ZNF600: variants seen among roughly 807,000 people sequenced by gnomAD.
ZNF600 encodes the protein zinc finger protein 600.
ZNF600 carries 4 observed loss-of-function variants against 7.3 expected under a neutral mutation model. That is an observed-to-expected ratio of 0.55 (90% CI 0.27 to 1.25). ZNF600 has a LOEUF of 1.25. ZNF600 is among the 50% of genes most tolerant of loss of function. ZNF600 has a pLI of 0.12. For synonymous variants in ZNF600, 290 were observed against 308.9 expected (o/e 0.94, Z 0.64); for missense variants, 911 against 922.1 (o/e 0.99, Z 0.16).
At chr19:52,766,738 T>A (rs542754910) in exon 4 of ZNF600, 1 of 1,613,814 alleles carries the variant, frequency 6.2e-7, no homozygotes. Context: ...GAATTCCATG[T>A]GAAAGCTGTG....
the ZNF600 span, chr19:52,800,961 G>C: frequency 1.2e-6 from 2 of 1,614,106 alleles, no homozygotes; most frequent in Non-Finnish European, 1.7e-6. Context: ...AGGTTTGTCT[G>C]CAGTATGAAG....
chr19:52,813,425 G>A, the ZNF600 span, among the ~76,000 whole-genome samples: 28 of 147,336 alleles, frequency 1.9e-4, 2 homozygotes, highest in African/African-American at 7.3e-4. Context: ...GCTGCTCCCC[G>A]TGTTTCCCTG....
upstream of ZNF600, among the ~76,000 whole-genome samples, chr19:52,789,045 G>A (rs1233271289): frequency 1.3e-5 from 2 of 152,164 alleles, no homozygotes; most frequent in African/African-American, 4.8e-5. Context: ...ACACAGAACA[G>A]GCAACATGGG....
At chr19:52,800,907 T>C in the ZNF600 span, 5 of 1,614,096 alleles carry the variant, frequency 3.1e-6, no homozygotes, top group Non-Finnish European at 4.2e-6. Context: ...TGTTTCAAGG[T>C]GTGATTTGCG....
the ZNF600 span, among the ~76,000 whole-genome samples, chr19:52,811,280 A>G: frequency 2.0e-5 from 3 of 151,502 alleles, no homozygotes; most frequent in Non-Finnish European, 4.4e-5. Context: ...GGCCTCCCAA[A>G]GAGCCGAGAT....
the ZNF600 span, among the ~76,000 whole-genome samples, chr19:52,796,537 G>A: frequency 1.3e-5 from 2 of 151,630 alleles, no homozygotes; most frequent in Non-Finnish European, 3.0e-5. Flanking sequence ...CATGATCACG[G>A]CTCCCTGCAG....
At chr19:52,801,457 G>T in the ZNF600 span, 1 of 1,614,158 alleles carries the variant, frequency 6.2e-7, no homozygotes, top group Non-Finnish European at 8.5e-7. Flanking sequence ...TTTCCAGCAT[G>T]CCTTTGATCA....
chr19:52,820,486 T>G, the ZNF600 span, among the ~76,000 whole-genome samples: 2 of 151,890 alleles, frequency 1.3e-5, no homozygotes, highest in African/African-American at 4.9e-5. Context: ...GATTTCCACC[T>G]CTTCTCCCCT....
At chr19:52,800,850 C>T in the ZNF600 span, 1 of 1,614,004 alleles carries the variant, frequency 6.2e-7, no homozygotes, top group Non-Finnish European at 8.5e-7. Context: ...AGCTTTGTCA[C>T]AAACCTTACA....
intron 1 of ZNF600, among the ~76,000 whole-genome samples, chr19:52,786,281 G>A (rs1444950591): frequency 6.6e-6 from 1 of 152,154 alleles, no homozygotes; most frequent in African/African-American, 2.4e-5. Flanking sequence ...CGTGGTGGGC[G>A]ACGGCACCCT....
rs369243437 is a variant in ZNF600 at position 52,777,226 on chromosome 19, A to AT, written c.63+1599_63+1600insA. Among the ~76,000 whole-genome samples the AT allele has an allele frequency of 1.9e-4, 29 of 151,652 alleles. 1 individual carries two copies. The highest frequency in any genetic ancestry group is 2.4e-4 in the African/African-American group (10 of 41,542). ...ACCCCATCTCTACTAAAAATACAAA[A>AT]AATTAAACAGGCGAGGCAGCAAATG... On this transcript the variant is annotated intron_variant, in intron 2 of 3. Transcript: ENST00000648973.
chr19:52,778,793 G>C (rs1197060415), intron 2 of ZNF600, 33 bp downstream of exon 4: 53 of 1,583,966 alleles, frequency 3.3e-5, no homozygotes, highest in Admixed American at 1.7e-4. Flanking sequence ...AAAGGAAAGA[G>C]ACAGATTAAT....
At chr19:52,822,845 A>T in the ZNF600 span, among the ~76,000 whole-genome samples, 1 of 152,218 alleles carries the variant, frequency 6.6e-6, no homozygotes, top group African/African-American at 2.4e-5. Flanking sequence ...TGACGTCAGC[A>T]GTAAATAATA....
chr19:52,809,753 T>G, the ZNF600 span: 2 of 457,062 alleles, frequency 4.4e-6, no homozygotes, highest in East Asian at 3.7e-5. Context: ...TGCAGTGAGC[T>G]GAGATCATGC....
chr19:52,801,125 C>G, the ZNF600 span: 1 of 1,614,030 alleles, frequency 6.2e-7, no homozygotes, highest in East Asian at 2.2e-5. Flanking sequence ...TACATTGTTT[C>G]TCTTCTAAGT....
intron 1 of ZNF600, among the ~76,000 whole-genome samples, chr19:52,783,866 C>T (rs1481465344): frequency 6.6e-6 from 1 of 152,092 alleles, no homozygotes; most frequent in Non-Finnish European, 1.5e-5. Flanking sequence ...TCTCAGCTCA[C>T]CACAACCTCT....
chr19:52,832,145 G>A, the ZNF600 span, among the ~76,000 whole-genome samples: 14 of 151,540 alleles, frequency 9.2e-5, no homozygotes, highest in African/African-American at 2.9e-4. Flanking sequence ...TCCAGGAAGC[G>A]GAGGCTACAG....
the ZNF600 span, chr19:52,806,081 TG>T: frequency 6.6e-6 from 1 of 152,140 alleles, no homozygotes; most frequent in Non-Finnish European, 1.5e-5. Flanking sequence ...ATAAAAGGCA[TG>T]AAAAACACTG....
the ZNF600 span, among the ~76,000 whole-genome samples, chr19:52,808,305 A>T: frequency 1.3e-3 from 193 of 152,358 alleles, 5 homozygotes; most frequent in East Asian, 0.034. Flanking sequence ...AGTGATCAAG[A>T]CACACTTTCA....
Sources: allele counts gnomAD v4.1 joint callset (sites outside exome capture counted in the v4.1 genomes callset), GRCh38; gene constraint gnomAD v4.1.1; transcripts MANE v1.5; gene names NCBI Gene and HGNC (gene_info 2026-07-23, HGNC 2026-07-21).